The following EYS variants were observed in gnomAD, a reference collection of about 807,000 sequenced individuals.
The protein encoded by EYS is protein eyes shut homolog.
In EYS, 250 loss-of-function variants were observed where a neutral mutation model predicts 282.1. The observed-to-expected ratio is 0.89, with a 90% CI of 0.80 to 0.98. The LOEUF (loss-of-function observed/expected upper bound fraction) is 0.98. Ranked by LOEUF, EYS falls within the 50% of genes least tolerant of loss-of-function variation. The pLI is 0.00. For synonymous variants in EYS, 1,355 were observed against 1,282.9 expected, an observed-to-expected ratio of 1.06 and a Z score of -1.20; for missense variants, 4,016 against 3,709.0, an observed-to-expected ratio of 1.08 and a Z score of -2.15.
At chr6:65,428,668 C>T (rs1225572460) in intron 5 of EYS, among the ~76,000 whole-genome samples, 5 of 152,048 alleles carry the variant, frequency 3.3e-5, no homozygotes, top group Non-Finnish European at 5.9e-5. Flanking sequence ...TAAACTCCAC[C>T]CATGCCCTCA....
chr6:65,216,507 T>G (rs1236505208), intron 12 of EYS, among the ~76,000 whole-genome samples: 1 of 151,904 alleles, frequency 6.6e-6, no homozygotes, highest in African/African-American at 2.4e-5. Flanking sequence ...TAAATAATAT[T>G]TTTGTGAATT....
At chr6:65,536,100 C>T (rs751042519) in intron 2 of EYS, among the ~76,000 whole-genome samples, 6 of 151,986 alleles carry the variant, frequency 3.9e-5, no homozygotes, top group Admixed American at 6.6e-5. Flanking sequence ...TAGAATGATA[C>T]ATTCAAGTAA....
chr6:65,086,924 G>C (rs1774395956), intron 12 of EYS, among the ~76,000 whole-genome samples: 1 of 151,944 alleles, frequency 6.6e-6, no homozygotes, highest in African/African-American at 2.4e-5. Flanking sequence ...CCAGGTTCAA[G>C]TGATTCTCCT....
intron 34 of EYS, 98 bp from the exon 35 acceptor site, chr6:63,984,701 G>T (rs1186876894): frequency 1.0e-6 from 1 of 958,736 alleles, no homozygotes; most frequent in South Asian, 1.5e-5. Context: ...GTGTTTTAAT[G>T]TGTTTTTCTG....
chr6:64,296,720 C>A (rs1769041871), intron 30 of EYS, among the ~76,000 whole-genome samples: 1 of 150,468 alleles, frequency 6.6e-6, no homozygotes, highest in Non-Finnish European at 1.5e-5. Flanking sequence ...AATTCTCCTG[C>A]CTCAGCCTCC....
intron 22 of EYS, among the ~76,000 whole-genome samples, chr6:64,627,225 CA>C (rs1233730942): frequency 1.3e-5 from 2 of 152,184 alleles, no homozygotes; most frequent in East Asian, 3.9e-4. Flanking sequence ...GCACTGAGCC[CA>C]GTTGGGAAAA....
At chr6:64,467,436 T>C (rs972474809) in intron 26 of EYS, among the ~76,000 whole-genome samples, 2 of 152,208 alleles carry the variant, frequency 1.3e-5, no homozygotes, top group Non-Finnish European at 2.9e-5. Flanking sequence ...GCTTACATCC[T>C]GAAGAAACTC....
chr6:65,143,150 T>G (rs1384727102), intron 12 of EYS, among the ~76,000 whole-genome samples: 2 of 151,958 alleles, frequency 1.3e-5, no homozygotes, highest in East Asian at 3.9e-4. Flanking sequence ...CGAGAATGAA[T>G]CATATGCTGA....
intron 26 of EYS, among the ~76,000 whole-genome samples, chr6:64,588,016 A>G (rs1022361421): frequency 1.3e-5 from 2 of 152,068 alleles, no homozygotes; most frequent in African/African-American, 4.8e-5. Context: ...GATAATTTTA[A>G]GATGGAGTCT....
intron 12 of EYS, among the ~76,000 whole-genome samples, chr6:65,106,062 A>G (rs891497249): frequency 1.3e-5 from 2 of 151,970 alleles, no homozygotes; most frequent in South Asian, 2.1e-4. Context: ...GATCTGAAAA[A>G]TCATGAAAAT....
At chr6:65,001,126 C>T (rs949215086) in intron 13 of EYS, among the ~76,000 whole-genome samples, 5 of 148,958 alleles carry the variant, frequency 3.4e-5, no homozygotes, top group South Asian at 2.1e-4. Context: ...CCTTGCTGTC[C>T]GCAGATGGCT....
At chr6:65,539,692 G>A (rs1346916625) in intron 2 of EYS, among the ~76,000 whole-genome samples, 2 of 152,144 alleles carry the variant, frequency 1.3e-5, no homozygotes, top group African/African-American at 4.8e-5. Context: ...GTCTGATGAA[G>A]CTTCGTTTTC....
chr6:64,963,008 T>C (rs1268205412), intron 14 of EYS, among the ~76,000 whole-genome samples: 1 of 152,180 alleles, frequency 6.6e-6, no homozygotes, highest in East Asian at 1.9e-4. Flanking sequence ...CTATGTAGTT[T>C]AAAATGTTTT....
chr6:64,786,922 A>G (rs994321149), intron 22 of EYS, among the ~76,000 whole-genome samples: 6 of 152,298 alleles, frequency 3.9e-5, no homozygotes, highest in African/African-American at 7.2e-5. Flanking sequence ...TATGCTGCCA[A>G]GAGAGTTTGC....
intron 15 of EYS, among the ~76,000 whole-genome samples, chr6:64,916,774 C>A (rs1311334721): frequency 6.6e-6 from 1 of 152,090 alleles, no homozygotes; most frequent in Non-Finnish European, 1.5e-5. Flanking sequence ...CAAGTAAGTG[C>A]GTGCCTAAAG....
chr6:63,942,805 T>C (rs1765282294), intron 35 of EYS, among the ~76,000 whole-genome samples: 2 of 152,172 alleles, frequency 1.3e-5, no homozygotes, highest in African/African-American at 4.8e-5. Context: ...CTGTCTCTTC[T>C]ACCTCTTCCG....
At chr6:65,597,507 AC>A (rs1399853851) in intron 2 of EYS, among the ~76,000 whole-genome samples, 1 of 151,938 alleles carries the variant, frequency 6.6e-6, no homozygotes, top group African/African-American at 2.4e-5. Context: ...ATGGATAGAC[AC>A]CCCCAAACTG....
chr6:64,570,596 A>G (rs1275750494), intron 26 of EYS, among the ~76,000 whole-genome samples: 1 of 152,172 alleles, frequency 6.6e-6, no homozygotes, highest in Non-Finnish European at 1.5e-5. Flanking sequence ...ATATTTACCG[A>G]GCAAATTGAA....
intron 36 of EYS, among the ~76,000 whole-genome samples, chr6:63,835,348 TACACAC>T (rs545681031): frequency 2.0e-5 from 3 of 150,258 alleles, no homozygotes; most frequent in African/African-American, 2.5e-5. Context: ...TATATATATA[TACACAC>T]ACACACACAC....
Sources: gnomAD v4.1 joint callset for allele counts (sites outside exome capture counted in the v4.1 genomes callset) on GRCh38, gnomAD v4.1.1 for gene constraint, MANE v1.5 for transcripts, NCBI Gene and HGNC (gene_info 2026-07-23, HGNC 2026-07-21) for gene names.